The following ZDHHC17 variants were observed in gnomAD, a reference collection of about 807,000 sequenced individuals.
ZDHHC17 encodes the protein palmitoyltransferase ZDHHC17.
A neutral mutation model predicts 90.3 loss-of-function variants in ZDHHC17; 40 were observed. That is an observed-to-expected ratio of 0.44 (90% CI 0.34 to 0.58). The LOEUF (loss-of-function observed/expected upper bound fraction) is 0.58. ZDHHC17 is among the 20% of genes least tolerant of loss of function. The probability of loss-of-function intolerance (pLI) is 0.01; values close to 1 mark genes in which losing one functional copy is unlikely to be tolerated. For missense variants in ZDHHC17, 614 were observed against 780.8 expected, an observed-to-expected ratio of 0.79 and a Z score of 2.55; for synonymous variants, 235 against 252.4, an observed-to-expected ratio of 0.93 and a Z score of 0.65.
At chr12:76,824,370 A>C (rs887997227) in intron 8 of ZDHHC17, among the ~76,000 whole-genome samples, 3 of 151,946 alleles carry the variant, frequency 2.0e-5, no homozygotes, top group Non-Finnish European at 2.9e-5. Flanking sequence ...GATGATTGGG[A>C]GAGTGATATT....
intron 10 of ZDHHC17, among the ~76,000 whole-genome samples, chr12:76,837,499 A>T (rs1219091106): frequency 2.7e-5 from 4 of 148,906 alleles, no homozygotes; most frequent in Non-Finnish European, 5.9e-5. Flanking sequence ...TGTCTCTGTT[A>T]AAAAACTCTT....
chr12:76,806,699 G>A (rs2137758186), intron 3 of ZDHHC17, among the ~76,000 whole-genome samples: 1 of 152,260 alleles, frequency 6.6e-6, no homozygotes. Flanking sequence ...TTTTGGTAGA[G>A]ACAGGGTTTC....
intron 7 of ZDHHC17, among the ~76,000 whole-genome samples, chr12:76,820,430 T>A (rs901475644): frequency 3.9e-5 from 6 of 152,176 alleles, no homozygotes; most frequent in African/African-American, 1.4e-4. Flanking sequence ...ATCCTTAGCA[T>A]ATGTTTTTGG....
intron 14 of ZDHHC17, among the ~76,000 whole-genome samples, chr12:76,846,944 C>T (rs1953502673): frequency 6.6e-6 from 1 of 152,170 alleles, no homozygotes; most frequent in Non-Finnish European, 1.5e-5. Flanking sequence ...TGAGAAGCTT[C>T]TGGGTGAAAT....
chr12:76,777,291 T>C (rs1256133042), intron 1 of ZDHHC17, among the ~76,000 whole-genome samples: 1 of 152,250 alleles, frequency 6.6e-6, no homozygotes, highest in Non-Finnish European at 1.5e-5. Flanking sequence ...ATGTAGTATG[T>C]AACCTTATGG....
At chr12:76,845,869 A>C in intron 13 of ZDHHC17, 67 bp downstream of exon 13, 2 of 863,590 alleles carry the variant, frequency 2.3e-6, no homozygotes, top group Non-Finnish European at 3.8e-6. Flanking sequence ...AATAAAGTAT[A>C]ATATTAAAGT....
chr12:76,821,831 A>T (rs1410387011), intron 7 of ZDHHC17, among the ~76,000 whole-genome samples: 1 of 152,160 alleles, frequency 6.6e-6, no homozygotes, highest in Non-Finnish European at 1.5e-5. Flanking sequence ...GGGAGATACA[A>T]ATTCATAACT....
intron 14 of ZDHHC17, 35 bp downstream of exon 14, chr12:76,846,714 A>C: frequency 3.3e-6 from 5 of 1,502,654 alleles, no homozygotes; most frequent in Non-Finnish European, 4.6e-6. Context: ...TTTTAAAACA[A>C]ATTTCTGCAT....
At chr12:76,810,778 A>G (rs553223313) in intron 5 of ZDHHC17, among the ~76,000 whole-genome samples, 1 of 152,312 alleles carries the variant, frequency 6.6e-6, no homozygotes, top group South Asian at 2.1e-4. Context: ...AACAATACCA[A>G]CCAATTAATA....
intron 1 of ZDHHC17, among the ~76,000 whole-genome samples, chr12:76,791,116 A>T (rs1952754721): frequency 6.6e-6 from 1 of 152,234 alleles, no homozygotes; most frequent in African/African-American, 2.4e-5. Flanking sequence ...ATAAAAGCCG[A>T]GAAAACATGG....
chr12:76,806,356 G>A (rs111779520), intron 3 of ZDHHC17, among the ~76,000 whole-genome samples: 21,802 of 151,884 alleles, frequency 0.14, 1,939 homozygotes, highest in Non-Finnish European at 0.2. Context: ...TTGGCTCACC[G>A]CAACCTCTGC....
chr12:76,803,581 C>T (rs1263336740), intron 2 of ZDHHC17, among the ~76,000 whole-genome samples: 1 of 152,178 alleles, frequency 6.6e-6, no homozygotes, highest in East Asian at 1.9e-4. Flanking sequence ...TAACTTGTTA[C>T]CATCCAGTTG....
At chr12:76,794,603 C>T (rs1300561826) in intron 1 of ZDHHC17, among the ~76,000 whole-genome samples, 2 of 151,878 alleles carry the variant, frequency 1.3e-5, no homozygotes, top group Non-Finnish European at 2.9e-5. Context: ...AAATAGATAC[C>T]TTTTACTAAG....
intron 1 of ZDHHC17, among the ~76,000 whole-genome samples, chr12:76,777,447 C>T (rs1320575668): frequency 6.6e-6 from 1 of 152,186 alleles, no homozygotes; most frequent in Non-Finnish European, 1.5e-5. Flanking sequence ...TGAAGATTAT[C>T]TGGGTTGTTT....
At chr12:76,810,844 C>T (rs372520220) in intron 5 of ZDHHC17, among the ~76,000 whole-genome samples, 1 of 152,160 alleles carries the variant, frequency 6.6e-6, no homozygotes, top group East Asian at 1.9e-4. Context: ...CTGGTGGCTG[C>T]AGTTGTCTGG....
intron 1 of ZDHHC17, among the ~76,000 whole-genome samples, chr12:76,774,861 A>T (rs1952540468): frequency 6.6e-6 from 1 of 152,254 alleles, no homozygotes; most frequent in Admixed American, 6.5e-5. Context: ...CTGTTGCATT[A>T]GCGAAATTGC....
At chr12:76,800,788 A>G (rs761647988) in intron 2 of ZDHHC17, among the ~76,000 whole-genome samples, 1 of 151,816 alleles carries the variant, frequency 6.6e-6, no homozygotes. Flanking sequence ...TTTTTACCCC[A>G]GTCTGTTCTG....
chr12:76,801,611 G>A (rs926292947), intron 2 of ZDHHC17, among the ~76,000 whole-genome samples: 5 of 151,924 alleles, frequency 3.3e-5, no homozygotes, highest in African/African-American at 4.8e-5. Context: ...CCGAGATCGC[G>A]CCACTGTGCT....
chr12:76,829,720 C>T (rs1388123278), intron 10 of ZDHHC17, among the ~76,000 whole-genome samples: 1 of 152,232 alleles, frequency 6.6e-6, no homozygotes, highest in East Asian at 1.9e-4. Flanking sequence ...CTTCTCACCT[C>T]TTTTGCCTTC....
Sources: allele counts gnomAD v4.1 joint callset (sites outside exome capture counted in the v4.1 genomes callset), GRCh38; gene constraint gnomAD v4.1.1; transcripts MANE v1.5; gene names NCBI Gene and HGNC (gene_info 2026-07-23, HGNC 2026-07-21).